The following DMD variants were observed in gnomAD, a reference collection of about 807,000 sequenced individuals.
The protein encoded by DMD is mutant dystrophin.
DMD carries 63 observed loss-of-function variants against 330.1 expected under a neutral mutation model. That is an observed-to-expected ratio of 0.19 (90% CI 0.16 to 0.24). The LOEUF (loss-of-function observed/expected upper bound fraction) is 0.24, where lower values mean the gene tolerates loss of function less well. Ranked by LOEUF, DMD falls within the 10% of genes least tolerant of loss-of-function variation. DMD has a pLI of 1.00. For missense variants in DMD, 3,344 were observed against 2,684.1 expected (o/e 1.25, Z -5.43); for synonymous variants, 1,223 against 959.8 (o/e 1.27, Z -5.07).
chrX:32,522,089 C>T (rs2046483564), intron 17 of DMD, among the ~76,000 whole-genome samples: 1 of 111,948 alleles, frequency 8.9e-6, no homozygotes, highest in Admixed American at 9.4e-5. Context: ...GGTTTATAAG[C>T]TACCCAGTTT....
intron 43 of DMD, among the ~76,000 whole-genome samples, chrX:32,241,073 G>T (rs1223433137): frequency 8.9e-6 from 1 of 111,742 alleles, no homozygotes; most frequent in Non-Finnish European, 1.9e-5. Flanking sequence ...CATTTTATTT[G>T]TCATTTTATG....
chrX:32,562,248 T>C lies in DMD; in HGVS notation c.1992+3454A>G, dbSNP rs1271028531. ...AAAAGTATTTTCTATCTTCTTAGGC[T>C]ACCTTCTAATCAACTTAAATACCCT... On this transcript the variant is annotated intron_variant, in intron 16 of 78. Coordinates refer to ENST00000357033, the MANE Select transcript of DMD (RefSeq NM_004006.3). 2.7e-5 allele frequency among the ~76,000 whole-genome samples: 3 copies of C among 112,533 alleles called. No individual in the cohort carries two copies. The East Asian group carries it at 8.3e-4, about 31-fold the overall frequency.
At chrX:32,901,416 C>T (rs1041968295) in intron 2 of DMD, among the ~76,000 whole-genome samples, 1 of 109,341 alleles carries the variant, frequency 9.1e-6, no homozygotes, top group African/African-American at 3.5e-5. Flanking sequence ...ACTTCTTAAA[C>T]TACAGTCAGC....
rs370328651 is a variant in DMD, at chrX:31,204,465, C to A, written c.9650-347G>T. ...CTACATCAAAAAATAAGTGTTTTAGCATTAAGAGACATATAACTGGCCCAA... is the reference window on the plus strand; with the variant it reads ...CTACATCAAAAAATAAGTGTTTTAGAATTAAGAGACATATAACTGGCCCAA... On this transcript the variant is annotated intron_variant, in intron 66 of 78. Coordinates refer to ENST00000357033, the MANE Select transcript of DMD (RefSeq NM_004006.3). Among the ~76,000 whole-genome samples, 307 of 112,005 alleles carry A rather than the reference C, an allele frequency of 2.7e-3. 4 individuals are homozygous for A. Among genetic ancestry groups the A allele is most frequent in the African/African-American group, 9.6e-3 (295 of 30,815 alleles).
intron 55 of DMD, among the ~76,000 whole-genome samples, chrX:31,623,425 G>A (rs769798593): frequency 7.2e-5 from 8 of 110,370 alleles, no homozygotes; most frequent in Non-Finnish European, 1.1e-4. Context: ...CACCACACCC[G>A]GCTAATTTTT....
intron 53 of DMD, among the ~76,000 whole-genome samples, chrX:31,678,739 T>C (rs1008198235): frequency 4.5e-5 from 5 of 110,520 alleles, no homozygotes; most frequent in Non-Finnish European, 3.8e-5. Context: ...TATGAAAGAG[T>C]AGACCTGTTA....
At chrX:32,674,006 T>C (rs1348182210) in intron 9 of DMD, among the ~76,000 whole-genome samples, 2 of 111,655 alleles carry the variant, frequency 1.8e-5, no homozygotes, top group Non-Finnish European at 3.8e-5. Flanking sequence ...CCAGGACTTT[T>C]AAACAACACA....
At chrX:31,539,454 C>T (rs1020111527) in intron 55 of DMD, among the ~76,000 whole-genome samples, 2 of 111,634 alleles carry the variant, frequency 1.8e-5, no homozygotes, top group Non-Finnish European at 3.8e-5. Flanking sequence ...AAATTTTAAC[C>T]TATTTTCAAG....
intron 2 of DMD, among the ~76,000 whole-genome samples, chrX:32,982,819 GGAC>G (rs774687914): frequency 1.8e-5 from 2 of 111,957 alleles, no homozygotes; most frequent in Admixed American, 1.9e-4. Context: ...ACACTTTCTA[GGAC>G]AGGATGGGTA....
At chrX:33,281,210 A>ATT (rs139177044) in intron 1 of DMD, among the ~76,000 whole-genome samples, 10,047 of 91,990 alleles carry the variant, frequency 0.11, 1,192 homozygotes, top group East Asian at 0.77. Flanking sequence ...ATGCTATTGC[A>ATT]TTTTTTTTTT....
At chrX:32,584,375 G>A (rs919983842) in intron 13 of DMD, among the ~76,000 whole-genome samples, 2 of 111,683 alleles carry the variant, frequency 1.8e-5, no homozygotes, top group African/African-American at 6.5e-5. Flanking sequence ...TTAATATCTT[G>A]AAAGCTAAAT....
chrX:32,003,111 C>T (rs1246064082), intron 44 of DMD, among the ~76,000 whole-genome samples: 1 of 111,629 alleles, frequency 9.0e-6, no homozygotes, highest in Admixed American at 9.5e-5. Flanking sequence ...AAACTCTAAC[C>T]CCAAGAGGTT....
chrX:33,183,826 C>G (rs1336195657), intron 1 of DMD, among the ~76,000 whole-genome samples: 1 of 110,885 alleles, frequency 9.0e-6, no homozygotes, highest in African/African-American at 3.3e-5. Context: ...TCAGAACACT[C>G]TGCAGCTGCT....
intron 1 of DMD, among the ~76,000 whole-genome samples, chrX:33,059,210 A>G (rs960923686): frequency 1.8e-5 from 2 of 111,478 alleles, no homozygotes; most frequent in Non-Finnish European, 3.8e-5. Context: ...GTAACCACTT[A>G]CACACTAATG....
At chrX:32,663,038 T>C (rs905780187) in intron 9 of DMD, among the ~76,000 whole-genome samples, 1 of 111,795 alleles carries the variant, frequency 8.9e-6, no homozygotes, top group East Asian at 2.8e-4. Flanking sequence ...ATGCATTACA[T>C]TTGTTGCCAA....
At chrX:31,171,745 G>A (rs1031760876) in intron 73 of DMD, among the ~76,000 whole-genome samples, 2 of 111,228 alleles carry the variant, frequency 1.8e-5, no homozygotes, top group East Asian at 2.8e-4. Flanking sequence ...CTCTATCTCC[G>A]TCCTTAAAGT....
intron 15 of DMD, among the ~76,000 whole-genome samples, chrX:32,566,964 G>A (rs1005497902): frequency 8.9e-6 from 1 of 112,078 alleles, no homozygotes; most frequent in Non-Finnish European, 1.9e-5. Context: ...ACAAATGTAA[G>A]TTTATTTAAG....
chrX:31,659,667 A>G (rs867804587), intron 53 of DMD, among the ~76,000 whole-genome samples: 79 of 104,430 alleles, frequency 7.6e-4, no homozygotes, highest in African/African-American at 2.4e-3. Flanking sequence ...AAAAAAAAAA[A>G]AGAGAAACAA....
intron 13 of DMD, among the ~76,000 whole-genome samples, chrX:32,586,648 C>G (rs2054323680): frequency 9.3e-6 from 1 of 107,553 alleles, no homozygotes; most frequent in South Asian, 3.9e-4. Flanking sequence ...ATTAGTAAAC[C>G]AAAACTGAAA....
Sources: allele counts gnomAD v4.1 joint callset (sites outside exome capture counted in the v4.1 genomes callset), GRCh38; gene constraint gnomAD v4.1.1; transcripts MANE v1.5; gene names NCBI Gene and HGNC (gene_info 2026-07-23, HGNC 2026-07-21).